Variants in CDKAL1 observed in about 807,000 individuals in gnomAD.
CDKAL1 encodes threonylcarbamoyladenosine tRNA methylthiotransferase.
A neutral mutation model predicts 68.2 loss-of-function variants in CDKAL1; 32 were observed. That is an observed-to-expected ratio of 0.47 (90% CI 0.35 to 0.63). The LOEUF (loss-of-function observed/expected upper bound fraction) is 0.63, where lower values mean the gene tolerates loss of function less well. Among genes scored for constraint, CDKAL1 ranks in the 30% least tolerant of loss-of-function variants. CDKAL1 has a pLI of 0.00. For missense variants in CDKAL1, 606 were observed against 696.7 expected, an observed-to-expected ratio of 0.87 and a Z score of 1.47; for synonymous variants, 234 against 244.3, an observed-to-expected ratio of 0.96 and a Z score of 0.39.
chr6:21,219,510 C>T (rs1194567230), intron 15 of CDKAL1, among the ~76,000 whole-genome samples: 1 of 152,190 alleles, frequency 6.6e-6, no homozygotes, highest in Non-Finnish European at 1.5e-5. Context: ...TTTTTCCTAA[C>T]TAGTTTATCT....
At chr6:20,913,115 T>TCACACA (rs1762541932) in intron 9 of CDKAL1, among the ~76,000 whole-genome samples, 3 of 77,392 alleles carry the variant, frequency 3.9e-5, no homozygotes, top group African/African-American at 2.1e-4. Context: ...CCACAGTTGT[T>TCACACA]TACACACACA....
At chr6:21,220,145 A>G (rs16884688) in intron 15 of CDKAL1, among the ~76,000 whole-genome samples, 1 of 152,080 alleles carries the variant, frequency 6.6e-6, no homozygotes, top group Non-Finnish European at 1.5e-5. Flanking sequence ...TACAGGCTTC[A>G]TGGTTCTAAG....
At chr6:20,743,950 G>C (rs1437179150) in intron 6 of CDKAL1, among the ~76,000 whole-genome samples, 1 of 152,182 alleles carries the variant, frequency 6.6e-6, no homozygotes, top group East Asian at 1.9e-4. Flanking sequence ...ATGAAGTGAA[G>C]TTTAAATTTT....
chr6:21,081,551 A>C (rs999544019), intron 12 of CDKAL1, among the ~76,000 whole-genome samples: 1 of 151,934 alleles, frequency 6.6e-6, no homozygotes, highest in Non-Finnish European at 1.5e-5. Flanking sequence ...TCTAAAGATA[A>C]AGAACCTTAT....
At chr6:21,221,339 C>A (rs938230332) in intron 15 of CDKAL1, among the ~76,000 whole-genome samples, 2 of 151,888 alleles carry the variant, frequency 1.3e-5, no homozygotes, top group African/African-American at 4.8e-5. Flanking sequence ...AGTGATCCTC[C>A]TACCTTAGCC....
chr6:21,220,745 G>A (rs546653713), intron 15 of CDKAL1, among the ~76,000 whole-genome samples: 180 of 152,310 alleles, frequency 1.2e-3, no homozygotes, highest in Non-Finnish European at 2.1e-3. Context: ...CTGGAGTGTC[G>A]AGAATGCATT....
intron 9 of CDKAL1, among the ~76,000 whole-genome samples, chr6:20,882,503 G>A (rs983832499): frequency 2.0e-5 from 3 of 152,254 alleles, no homozygotes; most frequent in Admixed American, 2.0e-4. Flanking sequence ...ACAGGGCCCA[G>A]CCAGAGAACC....
chr6:20,834,974 A>G (rs879789872), intron 8 of CDKAL1, among the ~76,000 whole-genome samples: 44 of 152,326 alleles, frequency 2.9e-4, no homozygotes, highest in African/African-American at 5.8e-4. Flanking sequence ...GCAATGTGCT[A>G]TTGACACACT....
intron 8 of CDKAL1, among the ~76,000 whole-genome samples, chr6:20,817,907 A>G (rs141547315): frequency 3.8e-4 from 58 of 152,284 alleles, no homozygotes; most frequent in African/African-American, 1.4e-3. Flanking sequence ...CTTTATGATA[A>G]TAATGACAGG....
intron 11 of CDKAL1, among the ~76,000 whole-genome samples, chr6:21,040,195 G>C (rs1303164097): frequency 6.6e-6 from 1 of 152,116 alleles, no homozygotes; most frequent in Non-Finnish European, 1.5e-5. Flanking sequence ...AGATCAACTT[G>C]GTGCCGATTC....
At chr6:20,845,349 G>A (rs898788287) in intron 8 of CDKAL1, among the ~76,000 whole-genome samples, 3 of 151,796 alleles carry the variant, frequency 2.0e-5, no homozygotes, top group African/African-American at 7.3e-5. Context: ...TTTGTTTAAG[G>A]TATATTTTAA....
chr6:20,655,149 T>C (rs895333674), intron 5 of CDKAL1, among the ~76,000 whole-genome samples: 6 of 152,230 alleles, frequency 3.9e-5, no homozygotes, highest in Non-Finnish European at 5.9e-5. Context: ...AATAAACTTA[T>C]TCTTTCTTCT....
intron 12 of CDKAL1, among the ~76,000 whole-genome samples, chr6:21,076,589 T>C (rs1035323946): frequency 6.6e-6 from 1 of 152,224 alleles, no homozygotes; most frequent in African/African-American, 2.4e-5. Context: ...TTACTCAGTG[T>C]CAGATTTTTT....
At chr6:21,147,366 C>CT (rs1352266354) in intron 13 of CDKAL1, among the ~76,000 whole-genome samples, 1 of 152,144 alleles carries the variant, frequency 6.6e-6, no homozygotes, top group Non-Finnish European at 1.5e-5. Flanking sequence ...ACCCGAGTAA[C>CT]TAACTTCCTT....
intron 8 of CDKAL1, among the ~76,000 whole-genome samples, chr6:20,798,534 C>A (rs57385568): frequency 0.12 from 17,521 of 152,038 alleles, 1,132 homozygotes; most frequent in African/African-American, 0.15. Flanking sequence ...CAATGATAGA[C>A]TGGTTTAAGA....
intron 13 of CDKAL1, among the ~76,000 whole-genome samples, chr6:21,180,064 G>A (rs971810710): frequency 1.3e-5 from 2 of 152,152 alleles, no homozygotes; most frequent in Non-Finnish European, 2.9e-5. Flanking sequence ...TAAACTATGT[G>A]ATTCTGGGTA....
At chr6:21,215,422 A>G (rs2151120032) in intron 15 of CDKAL1, among the ~76,000 whole-genome samples, 1 of 152,286 alleles carries the variant, frequency 6.6e-6, no homozygotes, top group East Asian at 1.9e-4. Flanking sequence ...GGTATAAGGA[A>G]TTGGGAATAT....
chr6:21,150,074 G>A (rs1776343118), intron 13 of CDKAL1, among the ~76,000 whole-genome samples: 2 of 151,956 alleles, frequency 1.3e-5, no homozygotes, highest in Admixed American at 6.5e-5. Context: ...TAGCCAGGTT[G>A]GTCTCGATCT....
chr6:20,787,276 T>C (rs1019115669), intron 8 of CDKAL1, among the ~76,000 whole-genome samples: 2 of 151,990 alleles, frequency 1.3e-5, no homozygotes, highest in East Asian at 1.9e-4. Flanking sequence ...AGCATTTTTT[T>C]CCCCCTGTAA....
Sources: allele counts gnomAD v4.1 joint callset (sites outside exome capture counted in the v4.1 genomes callset), GRCh38; gene constraint gnomAD v4.1.1; transcripts MANE v1.5; gene names NCBI Gene and HGNC (gene_info 2026-07-23, HGNC 2026-07-21).